The following CCDC171 variants were observed in gnomAD, a reference collection of about 807,000 sequenced individuals.
The protein encoded by CCDC171 is coiled-coil domain containing 171, also known as coiled-coil domain-containing protein 171.
Under a neutral mutation model 168.2 loss-of-function variants are expected in CCDC171, and 177 were observed. The observed-to-expected ratio is 1.05, with a 90% CI of 0.93 to 1.19. CCDC171 has a LOEUF of 1.19. Among genes scored for constraint, CCDC171 ranks in the 50% most tolerant of loss-of-function variants. The probability of loss-of-function intolerance (pLI) is 0.00; values close to 1 mark genes in which losing one functional copy is unlikely to be tolerated. For synonymous variants in CCDC171, 687 were observed against 540.8 expected (o/e 1.27, Z -3.75); for missense variants, 1,991 against 1,539.0 (o/e 1.29, Z -4.91).
At chr9:15,760,914 G>T (rs1348234669) in intron 18 of CCDC171, among the ~76,000 whole-genome samples, 1 of 152,050 alleles carries the variant, frequency 6.6e-6, no homozygotes, top group African/African-American at 2.4e-5. Flanking sequence ...GTATCCAAAT[G>T]GTGTGCCTGC....
At chr9:15,569,991 A>T (rs1362542944) in intron 2 of CCDC171, among the ~76,000 whole-genome samples, 6 of 138,142 alleles carry the variant, frequency 4.3e-5, no homozygotes, top group African/African-American at 1.7e-4. Context: ...TTTTTTTGAG[A>T]TGGAGTTTTG....
chr9:15,949,587 C>A (rs1014725608), intron 25 of CCDC171, among the ~76,000 whole-genome samples: 5 of 152,150 alleles, frequency 3.3e-5, no homozygotes, highest in African/African-American at 1.2e-4. Context: ...GGAGTTCACT[C>A]ATGATTTGGA....
At chr9:15,850,579 G>A (rs955419503) in intron 23 of CCDC171, among the ~76,000 whole-genome samples, 21 of 152,026 alleles carry the variant, frequency 1.4e-4, no homozygotes, top group African/African-American at 5.1e-4. Flanking sequence ...TATTAATATA[G>A]TGGCTTTAAA....
chr9:15,963,378 A>G (rs1454431755), intron 25 of CCDC171, among the ~76,000 whole-genome samples: 2 of 152,188 alleles, frequency 1.3e-5, no homozygotes, highest in Admixed American at 6.5e-5. Flanking sequence ...TTGTTTATCT[A>G]TCTAAAAATG....
intron 7 of CCDC171, among the ~76,000 whole-genome samples, chr9:15,632,645 T>C (rs1394724802): frequency 6.6e-6 from 1 of 152,162 alleles, no homozygotes; most frequent in Admixed American, 6.5e-5. Flanking sequence ...TACCAATGAC[T>C]TTCTTCACAG....
intron 21 of CCDC171, chr9:15,845,749 A>G (rs2060869104): frequency 6.6e-6 from 1 of 152,084 alleles, no homozygotes. Context: ...TTAATAAAAA[A>G]CTGTTTGATA....
chr9:15,665,471 A>C (rs932605962), intron 8 of CCDC171, among the ~76,000 whole-genome samples: 1 of 152,244 alleles, frequency 6.6e-6, no homozygotes, highest in South Asian at 2.1e-4. Flanking sequence ...AGAGAGGAAG[A>C]ATACTTCCCT....
chr9:15,599,138 G>A (rs963999620), intron 6 of CCDC171, among the ~76,000 whole-genome samples: 2 of 152,128 alleles, frequency 1.3e-5, no homozygotes, highest in Non-Finnish European at 1.5e-5. Flanking sequence ...GGAGCATTTA[G>A]CCCATTTACA....
At chr9:15,573,286 C>G (rs1005176012) in intron 3 of CCDC171, among the ~76,000 whole-genome samples, 1 of 151,642 alleles carries the variant, frequency 6.6e-6, no homozygotes, top group African/African-American at 2.4e-5. Flanking sequence ...CATAATTTTT[C>G]TTTTTTTGAG....
intron 7 of CCDC171, among the ~76,000 whole-genome samples, chr9:15,624,556 T>TA (rs1352660743): frequency 6.6e-6 from 1 of 152,124 alleles, no homozygotes; most frequent in East Asian, 1.9e-4. Flanking sequence ...AGTGAGAACA[T>TA]ACGGTGTTTG....
intron 21 of CCDC171, among the ~76,000 whole-genome samples, chr9:15,801,091 C>G (rs1434939853): frequency 6.6e-6 from 1 of 151,456 alleles, no homozygotes; most frequent in Non-Finnish European, 1.5e-5. Context: ...TTTGGCTATT[C>G]TGGGTCTTTT....
chr9:15,796,879 C>G (rs1283442618), intron 21 of CCDC171, among the ~76,000 whole-genome samples: 1 of 152,174 alleles, frequency 6.6e-6, no homozygotes, highest in Non-Finnish European at 1.5e-5. Context: ...AGCACCAGTG[C>G]TAAGGGAGAA....
chr9:16,046,302 T>G (rs1005412165), intron 1 of CCDC171, among the ~76,000 whole-genome samples: 5 of 151,598 alleles, frequency 3.3e-5, no homozygotes, highest in African/African-American at 1.2e-4. Flanking sequence ...AGGAGCAGGG[T>G]GCATTAGAGT....
At chr9:15,917,173 T>G (rs1334449234) in intron 24 of CCDC171, among the ~76,000 whole-genome samples, 1 of 151,946 alleles carries the variant, frequency 6.6e-6, no homozygotes, top group Non-Finnish European at 1.5e-5. Context: ...AATCACTTAT[T>G]AATACTGGAA....
At chr9:16,093,814 A>G in the CCDC171 span, among the ~76,000 whole-genome samples, 1 of 152,230 alleles carries the variant, frequency 6.6e-6, no homozygotes, top group African/African-American at 2.4e-5. Flanking sequence ...GTCGGCACAT[A>G]GACCCATATG....
intron 1 of CCDC171, among the ~76,000 whole-genome samples, chr9:16,059,371 C>T (rs185949666): frequency 4.7e-4 from 71 of 152,220 alleles, no homozygotes; most frequent in African/African-American, 1.5e-3. Context: ...GAGGCATCCC[C>T]GGGTGAGAAT....
chr9:15,910,707 C>T (rs1377203382), intron 24 of CCDC171, among the ~76,000 whole-genome samples: 3 of 152,078 alleles, frequency 2.0e-5, no homozygotes, highest in Admixed American at 6.5e-5. Context: ...GCCCCCCACC[C>T]CACAACAGGC....
intron 4 of CCDC171, among the ~76,000 whole-genome samples, chr9:15,586,392 G>A (rs2041561833): frequency 6.6e-6 from 1 of 152,184 alleles, no homozygotes; most frequent in South Asian, 2.1e-4. Context: ...GGAGAGAACA[G>A]GGGGTGTGAC....
chr9:15,837,955 A>G lies in CCDC171; in HGVS notation c.3268-8747A>G, dbSNP rs577753003. Reference sequence around the variant, plus strand: ...TAATAACCGAAAACATTTTAAAACCATAGCCGAAATAGTGTAGTTCTCCTT... The same window carrying G: ...TAATAACCGAAAACATTTTAAAACCGTAGCCGAAATAGTGTAGTTCTCCTT... On this transcript the variant is annotated intron_variant, in intron 21 of 25. Coordinates refer to ENST00000380701, the MANE Select transcript of CCDC171 (RefSeq NM_173550.4). Among the ~76,000 whole-genome samples the G allele has an allele frequency of 7.9e-5, 12 of 152,324 alleles. No individual in the cohort carries two copies. In the South Asian group the frequency reaches 2.5e-3, roughly 32 times the overall value.
Sources: gnomAD v4.1 joint callset for allele counts (sites outside exome capture counted in the v4.1 genomes callset) on GRCh38, gnomAD v4.1.1 for gene constraint, MANE v1.5 for transcripts, NCBI Gene and HGNC (gene_info 2026-07-23, HGNC 2026-07-21) for gene names.